NF1: variants seen among roughly 807,000 people sequenced by gnomAD.
The protein encoded by NF1 is neurofibromin 1, also known as neurofibromin.
A neutral mutation model predicts 325.7 loss-of-function variants in NF1; 122 were observed. The ratio of observed to expected loss-of-function variants is 0.37; its 90% CI spans 0.32 to 0.44. The LOEUF (loss-of-function observed/expected upper bound fraction) is 0.44, where lower values mean the gene tolerates loss of function less well. NF1 is among the 20% of genes least tolerant of loss of function. The pLI is 1.00. For missense variants in NF1, 2,140 were observed against 3,415.4 expected, an observed-to-expected ratio of 0.63 and a Z score of 9.31; for synonymous variants, 1,091 against 1,186.0, an observed-to-expected ratio of 0.92 and a Z score of 1.65.
chr17:31,196,815 T>A (rs2066441531), intron 8 of NF1, among the ~76,000 whole-genome samples: 1 of 152,184 alleles, frequency 6.6e-6, no homozygotes, highest in Non-Finnish European at 1.5e-5. Flanking sequence ...TATTGAATGG[T>A]CTTAGCATCT....
chr17:31,307,962 GT>G, intron 36 of NF1: 1 of 1,266,512 alleles, frequency 7.9e-7, no homozygotes. Context: ...AAATGGCCCT[GT>G]TTTAGTAGAA....
chr17:31,249,823 A>G (rs1265214122), intron 30 of NF1: 1 of 376,192 alleles, frequency 2.7e-6, no homozygotes, highest in Non-Finnish European at 5.3e-6. Flanking sequence ...GAGGTCCTGC[A>G]AATGCATATT....
chr17:31,128,181 A>G (rs1037377563), intron 1 of NF1, among the ~76,000 whole-genome samples: 1 of 147,922 alleles, frequency 6.8e-6, no homozygotes, highest in African/African-American at 2.5e-5. Flanking sequence ...CAAATTCCTG[A>G]GCTCAAGTGA....
chr17:31,280,670 T>TA (rs941483283), intron 36 of NF1, among the ~76,000 whole-genome samples: 2 of 151,798 alleles, frequency 1.3e-5, no homozygotes, highest in African/African-American at 4.8e-5. Flanking sequence ...CTAATTGGAG[T>TA]ATTTGTCACC....
chr17:31,179,943 A>G (rs1394119584), intron 5 of NF1, among the ~76,000 whole-genome samples: 2 of 152,210 alleles, frequency 1.3e-5, no homozygotes, highest in Non-Finnish European at 2.9e-5. Context: ...ACAGAAATAC[A>G]AACTACCATC....
chr17:31,336,990 T>A lies in NF1; in HGVS notation c.6427+76T>A, dbSNP rs2151555477. 6.8e-7 allele frequency: 1 copy of A among 1,479,704 alleles called. No individual in the cohort carries two copies. The highest frequency in any genetic ancestry group is 9.3e-7 in the Non-Finnish European group (1 of 1,075,226). The allele number at this position is 1,479,704 out of a possible 1,614,324, so 91.7% of individuals were successfully genotyped here. ...CTTCACCTGATCAATATAGATTATC[T>A]TATTTATGTTTGTGCTCTAACACCA... On this transcript the variant is annotated intron_variant, in intron 42 of 57. Coordinates refer to ENST00000358273, the MANE Select transcript of NF1 (RefSeq NM_001042492.3). This position sits in a 1 kb window ranked among gnomAD's most constrained non-coding sequence, Gnocchi z 5.5.
chr17:31,252,433 C>T (rs2067510406), intron 30 of NF1: 1 of 194,882 alleles, frequency 5.1e-6, no homozygotes. Context: ...TTATATTTAT[C>T]CATATAATTT....
rs749107019 is a variant in NF1, at chr17:31,235,763, C to A, written c.3861C>A (p.Phe1287Leu). Reference protein sequence around the residue: ...GNSLASKIMTFCFKVYGATYL... With the variant: ...GNSLASKIMTLCFKVYGATYL... Reference sequence around the variant, plus strand: ...GCTTGGCCAGTAAAATAATGACATTCTGTTTCAAGGTTTGTATCATTCATT... The same window carrying A: ...GCTTGGCCAGTAAAATAATGACATTATGTTTCAAGGTTTGTATCATTCATT... The change falls in exon 28 of 58, where the codon TTC (phenylalanine) becomes TTA (leucine). Residue 1287 changes from phenylalanine (F) to leucine (L), a missense_variant. Phe to Leu is a conservative substitution (Grantham distance 22). Around this residue, in one of 10 missense-constraint regions of NF1, gnomAD observed 336 missense variants for 399.0 expected, o/e 0.84. Transcript: ENST00000358273. 6.2e-7 allele frequency: 1 copy of A among 1,614,052 alleles called. No homozygotes were observed. The highest frequency in any genetic ancestry group is 8.5e-7 in the Non-Finnish European group (1 of 1,180,010).
Position 31,228,456 on chromosome 17 carries a change from C to T in NF1, c.2410-569C>T, listed in dbSNP as rs189872859. Among the ~76,000 whole-genome samples, 261 of 152,240 alleles carry T rather than the reference C, an allele frequency of 1.7e-3. 1 individual carries two copies. The highest frequency in any genetic ancestry group is 6.8e-3 in the Middle Eastern group (2 of 294). On this transcript the variant is annotated intron_variant, in intron 20 of 57. Transcript: ENST00000358273. Reference sequence around the variant, plus strand: ...GATAACTGTTTTATATAATTACATACCATACAGTTCACCCATTTAAAGTGT... The same window carrying T: ...GATAACTGTTTTATATAATTACATATCATACAGTTCACCCATTTAAAGTGT...
At position 31,301,011 on chromosome 17, in the gene NF1, A is replaced by G. The variant is rs115620591; in HGVS notation, c.4836-24809A>G. Reference sequence around the variant, plus strand: ...TTTTGGGTCTTCCCCTTCCTGCCCCATATTAGGAGCATTTTAAATTTTAGA... The same window carrying G: ...TTTTGGGTCTTCCCCTTCCTGCCCCGTATTAGGAGCATTTTAAATTTTAGA... On this transcript the variant is annotated intron_variant, in intron 36 of 57. Coordinates refer to ENST00000358273, the MANE Select transcript of NF1 (RefSeq NM_001042492.3). 7.1e-3 allele frequency among the ~76,000 whole-genome samples: 1,077 copies of G among 152,192 alleles called. 11 individuals carry two copies. Among genetic ancestry groups the G allele is most frequent in the Middle Eastern group, 0.024 (7 of 294 alleles).
chr17:31,253,196 G>T, intron 31 of NF1, 196 bp downstream of exon 31: 5 of 556,184 alleles, frequency 9.0e-6, no homozygotes, highest in South Asian at 6.5e-5. Flanking sequence ...GTGTTCCTTT[G>T]GTTTGATTTA....
chr17:31,136,253 T>C (rs7217085), intron 1 of NF1: 148,350 of 149,228 alleles, frequency 0.99, 73,766 homozygotes, highest in Middle Eastern at 1. Context: ...GACGTGAACC[T>C]GGGAGGCGGA....
intron 33 of NF1, among the ~76,000 whole-genome samples, chr17:31,259,733 A>G (rs184061210): frequency 6.6e-6 from 1 of 152,180 alleles, no homozygotes; most frequent in African/African-American, 2.4e-5. Flanking sequence ...TAGAGAAAAA[A>G]ATGAGATAAT....
intron 1 of NF1, among the ~76,000 whole-genome samples, chr17:31,116,464 A>G (rs891045783): frequency 4.6e-5 from 7 of 152,042 alleles, no homozygotes; most frequent in Non-Finnish European, 1.5e-5. Context: ...TATCTGCGTA[A>G]TCTAACTAGG....
At chr17:31,304,496 T>C (rs1275599207) in intron 36 of NF1, 3 of 1,614,014 alleles carry the variant, frequency 1.9e-6, no homozygotes, top group East Asian at 4.5e-5. Flanking sequence ...GGAGGGAGAC[T>C]AGTAGAATCA....
chr17:31,155,131 A>G lies in NF1; in HGVS notation c.61-852A>G, dbSNP rs533628577. ...TTTCCACCTTTAGTTGTACTATGTT[A>G]AAAATGAGAAAGTTATATTCAGGTT... On this transcript the variant is annotated intron_variant, in intron 1 of 57. Coordinates refer to ENST00000358273, the MANE Select transcript of NF1 (RefSeq NM_001042492.3). 4.6e-5 allele frequency among the ~76,000 whole-genome samples: 7 copies of G among 152,340 alleles called. No homozygotes were observed. In the South Asian group the frequency reaches 1.4e-3, roughly 32 times the overall value.
chr17:31,355,596 C>A (rs2070251720), intron 51 of NF1, among the ~76,000 whole-genome samples: 1 of 152,182 alleles, frequency 6.6e-6, no homozygotes, highest in Admixed American at 6.5e-5. Context: ...TGCCTGTAAT[C>A]CCAGCACTCT....
intron 1 of NF1, among the ~76,000 whole-genome samples, chr17:31,134,077 G>A (rs1369584552): frequency 6.6e-6 from 1 of 152,096 alleles, no homozygotes; most frequent in African/African-American, 2.4e-5. Context: ...ACAGTATCAT[G>A]AGCATAGCTC....
intron 1 of NF1, among the ~76,000 whole-genome samples, chr17:31,131,818 A>G (rs993096980): frequency 9.9e-5 from 15 of 151,612 alleles, no homozygotes; most frequent in Middle Eastern, 3.4e-3. Context: ...TATAAAATCA[A>G]TTGGGGAGTT....
Sources: gnomAD v4.1 joint callset for allele counts (sites outside exome capture counted in the v4.1 genomes callset) on GRCh38, gnomAD v4.1.1 for gene constraint, gnomAD v4.1.1 regional missense constraint, Gnocchi (gnomAD v3.1) non-coding constraint, MANE v1.5 for transcripts, NCBI Gene and HGNC (gene_info 2026-07-23, HGNC 2026-07-21) for gene names.